MAGEC3: variants seen among roughly 807,000 people sequenced by gnomAD.
The protein encoded by MAGEC3 is MAGE family member C3, also known as melanoma-associated antigen C3.
Under a neutral mutation model 35.3 loss-of-function variants are expected in MAGEC3, and 34 were observed. The ratio of observed to expected loss-of-function variants is 0.96; its 90% confidence interval spans 0.73 to 1.28. MAGEC3 has a LOEUF of 1.28. Ranked by LOEUF, MAGEC3 falls within the 50% of genes most tolerant of loss-of-function variation. MAGEC3 has a pLI of 0.00. For missense variants in MAGEC3, 561 were observed against 483.6 expected, an observed-to-expected ratio of 1.16 and a Z score of -1.50; for synonymous variants, 202 against 185.6, an observed-to-expected ratio of 1.09 and a Z score of -0.72.
chrX:141,853,127 G>A (rs1419684226), intron 1 of MAGEC3, among the ~76,000 whole-genome samples: 2 of 110,886 alleles, frequency 1.8e-5, no homozygotes, highest in African/African-American at 3.3e-5. Flanking sequence ...TTTGTAATTC[G>A]AAAGGCAACC....
intron 2 of MAGEC3, 76 bp from the exon 3 acceptor site, chrX:141,879,099 A>G: frequency 9.1e-7 from 1 of 1,099,811 alleles, no homozygotes; most frequent in South Asian, 2.4e-5. Flanking sequence ...GAGTCCAGGC[A>G]CAGCCTCTCG....
At chrX:141,865,743 G>A (rs1056004514) in intron 2 of MAGEC3, 138 bp downstream of exon 2, 3 of 651,015 alleles carry the variant, frequency 4.6e-6, no homozygotes, top group Admixed American at 7.6e-5. Context: ...CTTCATTTTT[G>A]GGGCCTGAGG....
At chrX:141,882,157 C>T (rs1444215731) in intron 4 of MAGEC3, among the ~76,000 whole-genome samples, 1 of 111,424 alleles carries the variant, frequency 9.0e-6, no homozygotes, top group Non-Finnish European at 1.9e-5. Flanking sequence ...AGTATAGGGC[C>T]GTTTCTTACG....
chrX:141,881,369 G>A (rs1424495923), intron 3 of MAGEC3, 34 bp from the exon 4 acceptor site: 1 of 1,167,665 alleles, frequency 8.6e-7, no homozygotes, highest in Non-Finnish European at 1.1e-6. Context: ...GAGCCTAGCA[G>A]CCAATAAGAT....
At chrX:141,862,650 T>C (rs2017822316) in intron 1 of MAGEC3, among the ~76,000 whole-genome samples, 1 of 111,960 alleles carries the variant, frequency 8.9e-6, no homozygotes, top group South Asian at 3.7e-4. Flanking sequence ...GAACTCCAGG[T>C]CTTTATGTTA....
At chrX:141,842,324 A>G (rs991351819) in intron 1 of MAGEC3, among the ~76,000 whole-genome samples, 7 of 112,059 alleles carry the variant, frequency 6.2e-5, no homozygotes, top group Admixed American at 3.8e-4. Context: ...CAATGAAACA[A>G]TGAAAATTAT....
chrX:141,893,382 C>T lies in MAGEC3; in HGVS notation c.910-1887C>T, dbSNP rs186481745. The stretch of plus-strand genomic sequence containing the variant: ...ATACACTAAAAATATCAGTGGTTTC[C>T]GGAGGCTGAGGAGTTAGGGTTGGGG... On this transcript the variant is annotated intron_variant, in intron 4 of 7. Transcript: ENST00000298296. 2.1e-3 allele frequency among the ~76,000 whole-genome samples: 238 copies of T among 110,803 alleles called. 2 individuals carry two copies. Among genetic ancestry groups the T allele is most frequent in the Admixed American group, 0.018 (190 of 10,398 alleles).
At chrX:141,855,972 T>A (rs371699739) in intron 1 of MAGEC3, among the ~76,000 whole-genome samples, 13 of 111,321 alleles carry the variant, frequency 1.2e-4, no homozygotes, top group East Asian at 1.1e-3. Context: ...TAAGAAACCA[T>A]CTGGAGCAAT....
chrX:141,847,732 T>C (rs1334544696), intron 1 of MAGEC3, among the ~76,000 whole-genome samples: 1 of 111,290 alleles, frequency 9.0e-6, no homozygotes, highest in Non-Finnish European at 1.9e-5. Flanking sequence ...GAGGGAAATG[T>C]ATAGCTATGA....
chrX:141,880,786 G>T (rs758571928), intron 3 of MAGEC3: 1 of 991,806 alleles, frequency 1.0e-6, no homozygotes, highest in African/African-American at 1.9e-5. Flanking sequence ...CCCTAGGATG[G>T]CAGGTGACCC....
At chrX:141,888,180 G>A (rs1275663148) in intron 4 of MAGEC3, among the ~76,000 whole-genome samples, 3 of 112,071 alleles carry the variant, frequency 2.7e-5, no homozygotes, top group African/African-American at 6.5e-5. Flanking sequence ...TGATGGCCCC[G>A]TGGACAGTTC....
At chrX:141,894,434 A>G (rs2018067946) in intron 4 of MAGEC3, among the ~76,000 whole-genome samples, 1 of 112,161 alleles carries the variant, frequency 8.9e-6, no homozygotes, top group Non-Finnish European at 1.9e-5. Context: ...TAGGGAAAGA[A>G]GAAAACTAAG....
intron 4 of MAGEC3, among the ~76,000 whole-genome samples, chrX:141,887,355 C>G (rs768355808): frequency 8.9e-6 from 1 of 112,295 alleles, no homozygotes; most frequent in East Asian, 2.8e-4. Flanking sequence ...ATCCAGTGAG[C>G]GAGAAGTGGC....
intron 4 of MAGEC3, among the ~76,000 whole-genome samples, chrX:141,887,465 G>A (rs761441205): frequency 1.1e-3 from 122 of 112,263 alleles, no homozygotes; most frequent in Non-Finnish European, 2.1e-3. Context: ...ATTTCTAGGG[G>A]TGTAGTGGTG....
chrX:141,891,087 C>G (rs938400385), intron 4 of MAGEC3, among the ~76,000 whole-genome samples: 2 of 111,935 alleles, frequency 1.8e-5, no homozygotes, highest in African/African-American at 6.5e-5. Context: ...TCTGTGGGCT[C>G]TCTTTGGCTT....
intron 6 of MAGEC3, 111 bp from the exon 7 acceptor site, chrX:141,896,771 C>T (rs2018100206): frequency 8.3e-7 from 1 of 1,208,624 alleles, no homozygotes; most frequent in Non-Finnish European, 1.1e-6. Context: ...GAGGATGCCT[C>T]CTCCACTTCC....
chrX:141,843,347 C>G (rs977343753), intron 1 of MAGEC3, among the ~76,000 whole-genome samples: 1 of 111,442 alleles, frequency 9.0e-6, no homozygotes, highest in African/African-American at 3.3e-5. Flanking sequence ...CGGAGTACAT[C>G]TTTTTGTCTC....
Position 141,881,734 on chromosome X carries a change from A to G in MAGEC3, c.847A>G (p.Ile283Val). The change falls in exon 4 of 8, where the codon ATC (isoleucine) becomes GTC (valine). Residue 283 changes from isoleucine to valine, a missense_variant. By Grantham distance (29) the Ile-to-Val change is conservative. Coordinates refer to ENST00000298296, the MANE Select transcript of MAGEC3 (RefSeq NM_138702.1). Reference protein sequence around the residue: ...NRLLILILSVIFIKGNCASEE... With the variant: ...NRLLILILSVVFIKGNCASEE... ...CCTCCTGATTCTTATTCTGAGTGTG[A>G]TCTTCATAAAGGGCAACTGTGCATC... 1 of 1,211,430 alleles carries G rather than the reference A, an allele frequency of 8.3e-7. No individual in the cohort carries two copies.
At chrX:141,839,037 C>T (rs1031967784) in intron 1 of MAGEC3, 17 of 172,833 alleles carry the variant, frequency 9.8e-5, no homozygotes, top group African/African-American at 1.9e-4. Flanking sequence ...ATGTTAGTTT[C>T]GGGGCCCATG....
Sources: allele counts gnomAD v4.1 joint callset (sites outside exome capture counted in the v4.1 genomes callset), GRCh38; gene constraint gnomAD v4.1.1; transcripts MANE v1.5; gene names NCBI Gene and HGNC (gene_info 2026-07-23, HGNC 2026-07-21).